Variants in KSR2 observed in about 807,000 individuals in gnomAD.
The protein encoded by KSR2 is kinase suppressor of ras 2.
KSR2 carries 25 observed loss-of-function variants against 107.8 expected under a neutral mutation model. The ratio of observed to expected loss-of-function variants is 0.23; its 90% CI spans 0.17 to 0.32. The LOEUF (loss-of-function observed/expected upper bound fraction) is 0.32. KSR2 is among the 10% of genes least tolerant of loss of function. KSR2 has a pLI of 1.00. For missense variants in KSR2, 887 were observed against 1,268.9 expected (o/e 0.70, Z 4.57); for synonymous variants, 480 against 507.0 (o/e 0.95, Z 0.71).
intron 1 of KSR2, among the ~76,000 whole-genome samples, chr12:117,891,425 A>AAG (rs1407087351): frequency 2.0e-5 from 3 of 151,604 alleles, no homozygotes; most frequent in East Asian, 3.9e-4. Context: ...TCAAAAAAAA[A>AAG]AAAGAAAGAA....
In KSR2 at chr12:117,939,052, G is replaced by A. The variant is rs76564243; in HGVS notation, c.180+29024C>T. ...TTCCTGTAAAGTGACTGAAGACAGCGTGTAAGAATATTTTAAGTACTGTCA... is the reference window on the plus strand; with the variant it reads ...TTCCTGTAAAGTGACTGAAGACAGCATGTAAGAATATTTTAAGTACTGTCA... On this transcript the variant is annotated intron_variant, in intron 1 of 19. Coordinates refer to ENST00000339824, the MANE Select transcript of KSR2 (RefSeq NM_173598.6). 5.9e-3 allele frequency among the ~76,000 whole-genome samples: 895 copies of A among 151,810 alleles called. 7 individuals carry two copies. Among genetic ancestry groups the A allele is most frequent in the African/African-American group, 0.02 (837 of 41,384 alleles).
chr12:117,791,542 A>C (rs1169749612), intron 3 of KSR2, among the ~76,000 whole-genome samples: 2 of 152,220 alleles, frequency 1.3e-5, no homozygotes, highest in Non-Finnish European at 2.9e-5. Flanking sequence ...AAAAAATAAA[A>C]ATAAAAATAG....
intron 4 of KSR2, among the ~76,000 whole-genome samples, chr12:117,708,379 C>T (rs1042410862): frequency 4.6e-5 from 7 of 152,088 alleles, no homozygotes; most frequent in African/African-American, 1.2e-4. Flanking sequence ...GAGATTTCCC[C>T]CACTAGAGAT....
intron 5 of KSR2, among the ~76,000 whole-genome samples, chr12:117,593,336 T>G (rs1880435060): frequency 6.6e-6 from 1 of 152,180 alleles, no homozygotes; most frequent in South Asian, 2.1e-4. Context: ...CCATTGTAAA[T>G]GGCCTCACGT....
chr12:117,696,480 C>T (rs911893108), intron 4 of KSR2, among the ~76,000 whole-genome samples: 3 of 151,768 alleles, frequency 2.0e-5, no homozygotes, highest in Admixed American at 6.6e-5. Context: ...GATTTCCCTT[C>T]GGCAAGAAGA....
rs542565001 is a variant in KSR2 at position 117,956,850 on chromosome 12, G to A, written c.180+11226C>T. On this transcript the variant is annotated intron_variant, in intron 1 of 19. Coordinates refer to ENST00000339824, the MANE Select transcript of KSR2 (RefSeq NM_173598.6). ...CAGCACATTTCAACTAGGACTCACC[G>A]TATTTCCGTTGGTCAATGGCCACAT... Among the ~76,000 whole-genome samples the A allele has an allele frequency of 3.9e-5, 6 of 152,090 alleles. No homozygotes were observed. The South Asian group carries it at 8.3e-4, about 21-fold the overall frequency.
At chr12:117,846,810 T>G (rs1369373451) in intron 3 of KSR2, among the ~76,000 whole-genome samples, 1 of 152,358 alleles carries the variant, frequency 6.6e-6, no homozygotes, top group African/African-American at 2.4e-5. Context: ...TAAGTTTACC[T>G]GGTCACACGA....
rs191332282 is a variant in KSR2 at position 117,783,829 on chromosome 12, C to T, written c.473-22305G>A. On this transcript the variant is annotated intron_variant, in intron 3 of 19. Coordinates refer to ENST00000339824, the MANE Select transcript of KSR2 (RefSeq NM_173598.6). ...GTGAGTAGGAGAGTATGGGCAGAAT[C>T]CTTGGGGTTTTTATGTGTGTGTGTC... is the stretch of plus-strand genomic sequence containing the variant. 1.4e-3 allele frequency among the ~76,000 whole-genome samples: 220 copies of T among 152,214 alleles called. 1 individual carries two copies. The highest frequency in any genetic ancestry group is 1.1e-3 in the Non-Finnish European group (75 of 68,018).
At chr12:117,518,705 G>C (rs544063484) in intron 14 of KSR2, among the ~76,000 whole-genome samples, 1 of 152,280 alleles carries the variant, frequency 6.6e-6, no homozygotes, top group African/African-American at 2.4e-5. Context: ...TCAAAGCCTT[G>C]CAATTATCTG....
chr12:117,549,737 T>G (rs148800335), intron 9 of KSR2, among the ~76,000 whole-genome samples: 108 of 152,178 alleles, frequency 7.1e-4, no homozygotes, highest in African/African-American at 2.4e-3. Flanking sequence ...TCTGCAAAAC[T>G]AAGCACAGAA....
chr12:117,774,574 A>G (rs1343595465), intron 3 of KSR2, among the ~76,000 whole-genome samples: 1 of 152,200 alleles, frequency 6.6e-6, no homozygotes, highest in African/African-American at 2.4e-5. Flanking sequence ...TCATGATTTT[A>G]TTACCCACCA....
intron 14 of KSR2, among the ~76,000 whole-genome samples, chr12:117,514,994 A>G (rs945373319): frequency 6.6e-6 from 1 of 152,046 alleles, no homozygotes; most frequent in Non-Finnish European, 1.5e-5. Context: ...CTTCTTGTCC[A>G]TCTGCCTAAT....
intron 4 of KSR2, among the ~76,000 whole-genome samples, chr12:117,738,884 TA>T (rs969049142): frequency 6.7e-6 from 1 of 149,852 alleles, no homozygotes; most frequent in Admixed American, 6.6e-5. Context: ...AAACAAAGGA[TA>T]AAAAAAGTTA....
At chr12:117,931,235 G>C (rs1895687911) in intron 1 of KSR2, among the ~76,000 whole-genome samples, 1 of 152,116 alleles carries the variant, frequency 6.6e-6, no homozygotes, top group African/African-American at 2.4e-5. Flanking sequence ...GACACAGATA[G>C]CACTTTGGCC....
intron 4 of KSR2, among the ~76,000 whole-genome samples, chr12:117,676,019 T>C (rs578094680): frequency 2.8e-4 from 42 of 152,288 alleles, no homozygotes; most frequent in African/African-American, 9.6e-4. Context: ...GCTGATCCAA[T>C]GACCCAAGAG....
intron 14 of KSR2, among the ~76,000 whole-genome samples, chr12:117,503,921 G>C (rs1592934612): frequency 6.6e-6 from 1 of 152,166 alleles, no homozygotes; most frequent in East Asian, 1.9e-4. Context: ...ACTCTGGGAT[G>C]GGAGTTGTAT....
At chr12:117,698,813 T>A (rs998446017) in intron 4 of KSR2, among the ~76,000 whole-genome samples, 21 of 152,194 alleles carry the variant, frequency 1.4e-4, no homozygotes, top group Non-Finnish European at 2.5e-4. Context: ...CTTGACATTA[T>A]ATTTCTTCTT....
Position 117,860,334 on chromosome 12 carries a change from C to G in KSR2, c.278G>C (p.Arg93Pro). ...NAELDGFPQL[R>P]HWFRIVDVRK... ...CACATCGACGATTCGGAACCAGTGCCGTAGCTGGGGGAAGCCGTCCAGCTC... is the reference window on the plus strand; with the variant it reads ...CACATCGACGATTCGGAACCAGTGCGGTAGCTGGGGGAAGCCGTCCAGCTC... Residue 93 changes from arginine to proline, a missense_variant, in exon 2 of 20, where the codon CGG (arginine) becomes CCG (proline). Physicochemically the swap from Arg to Pro is moderately radical, Grantham distance 103. This residue lies in a region of KSR2 where 399 missense variants were observed against 479.5 expected (regional missense o/e 0.83). Coordinates refer to ENST00000339824, the MANE Select transcript of KSR2 (RefSeq NM_173598.6). The G allele has an allele frequency of 6.2e-7, 1 of 1,613,832 alleles. No individual in the cohort carries two copies. Among genetic ancestry groups the G allele is most frequent in the Non-Finnish European group, 8.5e-7 (1 of 1,179,780 alleles).
At position 117,730,359 on chromosome 12, in the gene KSR2, C is replaced by A. The variant is rs369332696; in HGVS notation, c.986+30652G>T. Among the ~76,000 whole-genome samples the A allele has an allele frequency of 9.2e-5, 14 of 152,200 alleles. No individual in the cohort carries two copies. The South Asian group carries it at 1.7e-3, about 18-fold the overall frequency. ...ATATATAAGGCACTTAGCACAATGCCCATAACATGGTAAGAATGCAATATA... is the reference window on the plus strand; with the variant it reads ...ATATATAAGGCACTTAGCACAATGCACATAACATGGTAAGAATGCAATATA... On this transcript the variant is annotated intron_variant, in intron 4 of 19. Transcript: ENST00000339824.
Sources: allele counts gnomAD v4.1 joint callset (sites outside exome capture counted in the v4.1 genomes callset), GRCh38; gene constraint gnomAD v4.1.1; regional missense constraint gnomAD v4.1.1; transcripts MANE v1.5; gene names NCBI Gene and HGNC (gene_info 2026-07-23, HGNC 2026-07-21).